LRRC4C: variants seen among roughly 807,000 people sequenced by gnomAD.
LRRC4C encodes the protein leucine-rich repeat-containing protein 4C.
A neutral mutation model predicts 33.6 loss-of-function variants in LRRC4C; 5 were observed. That is an observed-to-expected ratio of 0.15 (90% CI 0.08 to 0.31). The LOEUF (loss-of-function observed/expected upper bound fraction) is 0.31. LRRC4C is among the 10% of genes least tolerant of loss of function. The pLI is 1.00. For missense variants in LRRC4C, 560 were observed against 796.7 expected (o/e 0.70, Z 3.58); for synonymous variants, 329 against 302.0 (o/e 1.09, Z -0.93).
intron 5 of LRRC4C, among the ~76,000 whole-genome samples, chr11:40,186,331 T>G (rs1183243825): frequency 1.3e-5 from 2 of 152,318 alleles, no homozygotes; most frequent in East Asian, 3.9e-4. Context: ...CTCCCAAATT[T>G]AAGCTTTTTA....
At chr11:40,779,903 A>G (rs191474935) in intron 2 of LRRC4C, among the ~76,000 whole-genome samples, 70 of 152,292 alleles carry the variant, frequency 4.6e-4, no homozygotes, top group Non-Finnish European at 2.1e-4. Context: ...TTAGAATAAG[A>G]TATAAATGGT....
chr11:41,322,209 C>T (rs1344449944), intron 1 of LRRC4C, among the ~76,000 whole-genome samples: 1 of 151,624 alleles, frequency 6.6e-6, no homozygotes, highest in African/African-American at 2.4e-5. Context: ...CAGTATTTCC[C>T]TTCATTCCAC....
chr11:40,630,080 C>A (rs1963320923), intron 3 of LRRC4C, among the ~76,000 whole-genome samples: 1 of 151,794 alleles, frequency 6.6e-6, no homozygotes, highest in South Asian at 2.1e-4. Flanking sequence ...TGAAGCAAGG[C>A]TTTATTATAT....
chr11:41,110,196 T>C (rs961054977), intron 1 of LRRC4C, among the ~76,000 whole-genome samples: 5 of 152,060 alleles, frequency 3.3e-5, no homozygotes, highest in African/African-American at 1.2e-4. Context: ...ACTTACGGCT[T>C]ATTCTTTAAT....
intron 3 of LRRC4C, among the ~76,000 whole-genome samples, chr11:40,362,182 C>A (rs1338950817): frequency 3.3e-5 from 5 of 152,060 alleles, no homozygotes; most frequent in Non-Finnish European, 7.4e-5. Flanking sequence ...ATAGGCAATA[C>A]CATTCAGGAC....
rs140884659 is a variant in LRRC4C, at chr11:40,983,822, T to C, written c.-495-50099A>G. ...CATTTCACACCATTCAGAATAGATATTATTAAAAAGTCCAACTGAAATTTC... is the reference window on the plus strand; with the variant it reads ...CATTTCACACCATTCAGAATAGATACTATTAAAAAGTCCAACTGAAATTTC... On this transcript the variant is annotated intron_variant, in intron 1 of 6. Transcript: ENST00000528697. Among the ~76,000 whole-genome samples the C allele has an allele frequency of 4.0e-3, 609 of 152,318 alleles. 3 individuals carry two copies. The highest frequency in any genetic ancestry group is 0.014 in the African/African-American group (579 of 41,572).
chr11:40,981,490 C>T (rs1852535806), intron 1 of LRRC4C, among the ~76,000 whole-genome samples: 2 of 152,068 alleles, frequency 1.3e-5, no homozygotes, highest in South Asian at 4.1e-4. Flanking sequence ...TTATTGTTTA[C>T]AGCCTACTAC....
chr11:41,379,940 C>T (rs900491157), intron 1 of LRRC4C, among the ~76,000 whole-genome samples: 1 of 152,076 alleles, frequency 6.6e-6, no homozygotes, highest in South Asian at 2.1e-4. Flanking sequence ...CCCTACAGTG[C>T]TCCCTACTTC....
intron 1 of LRRC4C, among the ~76,000 whole-genome samples, chr11:41,295,701 A>G (rs1371720678): frequency 6.6e-6 from 1 of 152,054 alleles, no homozygotes; most frequent in Non-Finnish European, 1.5e-5. Context: ...ATCACAGATC[A>G]TATCATATCA....
chr11:40,848,807 G>C (rs1953331082), intron 2 of LRRC4C, among the ~76,000 whole-genome samples: 1 of 152,088 alleles, frequency 6.6e-6, no homozygotes, highest in South Asian at 2.1e-4. Flanking sequence ...CTCTGGACTT[G>C]CTTTATGAAT....
Position 40,531,778 on chromosome 11 carries a change from CATT to C in LRRC4C, c.-270+116361_-270+116363del, listed in dbSNP as rs957651683. Among the ~76,000 whole-genome samples, 26 of 151,628 alleles carry C rather than the reference CATT, an allele frequency of 1.7e-4. 1 individual carries two copies. Among genetic ancestry groups the C allele is most frequent in the African/African-American group, 6.0e-4 (25 of 41,348 alleles). On this transcript the variant is annotated intron_variant, in intron 3 of 6. Coordinates refer to ENST00000528697, the MANE Select transcript of LRRC4C (RefSeq NM_001258419.2). ...CTGAATCATCTTGATCAAAGAGACT[CATT>C]ATATAAAATTTATGTTTGTTTGGTG...
intron 4 of LRRC4C, among the ~76,000 whole-genome samples, chr11:40,273,145 T>C (rs1264673292): frequency 2.0e-5 from 3 of 152,176 alleles, no homozygotes; most frequent in African/African-American, 7.2e-5. Context: ...TTTCTTTCAA[T>C]ATTGATTTAA....
chr11:40,846,803 T>C (rs1953198413), intron 2 of LRRC4C, among the ~76,000 whole-genome samples: 1 of 152,176 alleles, frequency 6.6e-6, no homozygotes, highest in Non-Finnish European at 1.5e-5. Context: ...TGGAATGTTT[T>C]TCCATTTGTT....
At chr11:40,574,614 C>T (rs1411141519) in intron 3 of LRRC4C, among the ~76,000 whole-genome samples, 1 of 152,164 alleles carries the variant, frequency 6.6e-6, no homozygotes, top group African/African-American at 2.4e-5. Context: ...TTCAAACCTC[C>T]TATCTTGACA....
chr11:40,960,998 T>A lies in LRRC4C; in HGVS notation c.-495-27275A>T, dbSNP rs571621609. Among the ~76,000 whole-genome samples, 2 of 151,670 alleles carry A rather than the reference T, an allele frequency of 1.3e-5. 1 individual carries two copies. The highest frequency in any genetic ancestry group is 3.0e-5 in the Non-Finnish European group (2 of 67,756). ...TCTCTGACACATTTGAGATCTTGTG[T>A]CTTGGTCACACTATAACTCTAGCAC... On this transcript the variant is annotated intron_variant, in intron 1 of 6. Transcript: ENST00000528697.
intron 1 of LRRC4C, among the ~76,000 whole-genome samples, chr11:41,207,006 G>A (rs1946627583): frequency 6.6e-6 from 1 of 152,072 alleles, no homozygotes; most frequent in South Asian, 2.1e-4. Context: ...ATAGTATAAT[G>A]TATAGATTAG....
chr11:41,077,342 C>G (rs184862812), intron 1 of LRRC4C, among the ~76,000 whole-genome samples: 1 of 152,232 alleles, frequency 6.6e-6, no homozygotes, highest in Non-Finnish European at 1.5e-5. Context: ...GGCTCTGCCC[C>G]AGCAGCAGAC....
At chr11:40,770,095 G>T (rs1290803269) in intron 2 of LRRC4C, among the ~76,000 whole-genome samples, 3 of 152,138 alleles carry the variant, frequency 2.0e-5, no homozygotes, top group African/African-American at 7.2e-5. Flanking sequence ...GAAAGCATTT[G>T]CAAACTATCA....
chr11:40,623,805 C>T (rs11035965), intron 3 of LRRC4C, among the ~76,000 whole-genome samples: 1 of 151,734 alleles, frequency 6.6e-6, no homozygotes, highest in Non-Finnish European at 1.5e-5. Context: ...TTTCCTTAAG[C>T]GATTCTGTTT....
Sources: gnomAD v4.1 joint callset for allele counts (sites outside exome capture counted in the v4.1 genomes callset) on GRCh38, gnomAD v4.1.1 for gene constraint, MANE v1.5 for transcripts, NCBI Gene and HGNC (gene_info 2026-07-23, HGNC 2026-07-21) for gene names.